The following SUPV3L1 variants were observed in gnomAD, a reference collection of about 807,000 sequenced individuals.
SUPV3L1 encodes the protein Suv3 like RNA helicase, also known as ATP-dependent RNA helicase SUPV3L1, mitochondrial.
A neutral mutation model predicts 70.0 loss-of-function variants in SUPV3L1; 35 were observed. That is an observed-to-expected ratio of 0.50 (90% CI 0.38 to 0.66). The LOEUF is 0.66. Ranked by LOEUF, SUPV3L1 falls within the 30% of genes least tolerant of loss-of-function variation. SUPV3L1 has a pLI of 0.00. For synonymous variants in SUPV3L1, 364 were observed against 341.9 expected (o/e 1.06, Z -0.71); for missense variants, 777 against 961.5 (o/e 0.81, Z 2.54).
chr10:69,194,973 A>G (rs903340169), intron 6 of SUPV3L1, among the ~76,000 whole-genome samples: 1 of 152,092 alleles, frequency 6.6e-6, no homozygotes, highest in Non-Finnish European at 1.5e-5. Context: ...TCAAATGGAG[A>G]TAGTGATAAT....
At chr10:69,207,341 C>G (rs1228272037) in intron 13 of SUPV3L1, among the ~76,000 whole-genome samples, 1 of 152,038 alleles carries the variant, frequency 6.6e-6, no homozygotes, top group East Asian at 1.9e-4. Flanking sequence ...TTTTTTCTTT[C>G]TCCAAATGGT....
chr10:69,197,687 A>G (rs1307632432), intron 8 of SUPV3L1, among the ~76,000 whole-genome samples: 3 of 152,122 alleles, frequency 2.0e-5, no homozygotes, highest in Non-Finnish European at 4.4e-5. Flanking sequence ...CTCCCACTTC[A>G]GCCTCCCAAA....
At position 69,202,971 on chromosome 10, in the gene SUPV3L1, G is replaced by A; in HGVS notation, c.1704G>A (p.Leu568=). The A allele has an allele frequency of 6.2e-7, 1 of 1,614,176 alleles. No individual in the cohort carries two copies. Among genetic ancestry groups the A allele is most frequent in the Non-Finnish European group, 8.5e-7 (1 of 1,180,026 alleles). Residue 568 remains leucine, a synonymous_variant, in exon 13 of 15, where the codon CTG becomes CTA. Transcript: ENST00000359655. ...TGATCCAGCATATTCCACTAAGTCT[G>A]CGAGTGAGGTATGTTTTCTGCACAG... The part of the protein sequence containing the change: ...AELIQHIPLS[L]RVRYVFCTAP...
Position 69,187,662 on chromosome 10 carries a change from C to A in SUPV3L1, c.478C>A (p.Pro160Thr). 6.2e-7 allele frequency: 1 copy of A among 1,610,942 alleles called. No individual in the cohort carries two copies. Among genetic ancestry groups the A allele is most frequent in the Non-Finnish European group, 8.5e-7 (1 of 1,178,824 alleles). ...TCCAGCTCATGCGGATGATTTATTCCCATTTTTCTTGAGACATGCCAAACA... is the reference window on the plus strand; with the variant it reads ...TCCAGCTCATGCGGATGATTTATTCACATTTTTCTTGAGACATGCCAAACA... ...FGAAHADDLF[P>T]FFLRHAKQIF... The change falls in exon 4 of 15, where the codon CCA (proline) becomes ACA (threonine). Residue 160 changes from proline to threonine, a missense_variant. Physicochemically the swap from Pro to Thr is conservative, Grantham distance 38. This residue lies in a region of SUPV3L1 where 619 missense variants were observed against 823.3 expected (regional missense o/e 0.75). Transcript: ENST00000359655.
chr10:69,200,313 A>G lies in SUPV3L1; in HGVS notation c.1332A>G (p.Ile444Met). 6.2e-7 allele frequency: 1 copy of G among 1,614,100 alleles called. No homozygotes were observed. The highest frequency in any genetic ancestry group is 8.5e-7 in the Non-Finnish European group (1 of 1,180,006). ...GGAGAATTATTTTTTACTCCCTTAT[A>G]AAGCCCAGTATCAATGAAAAGGGAG... The part of the protein sequence containing the change: ...SIRRIIFYSL[I>M]KPSINEKGER... The change falls in exon 11 of 15, where the codon ATA (isoleucine) becomes ATG (methionine). Residue 444 changes from isoleucine to methionine, a missense_variant. Ile to Met is a conservative substitution (Grantham distance 10, BLOSUM62 1). Around this residue, in one of 2 missense-constraint regions of SUPV3L1, gnomAD observed 619 missense variants for 823.3 expected, o/e 0.75. Coordinates refer to ENST00000359655, the MANE Select transcript of SUPV3L1 (RefSeq NM_003171.5).
chr10:69,186,343 A>T, intron 2 of SUPV3L1, 100 bp from the exon 3 acceptor site: 6 of 568,430 alleles, frequency 1.1e-5, no homozygotes, highest in Non-Finnish European at 1.7e-5. Flanking sequence ...AAAAAAAAAA[A>T]AGAAAAAAAA....
chr10:69,186,661 A>G, intron 3 of SUPV3L1, 111 bp downstream of exon 3: 2 of 831,734 alleles, frequency 2.4e-6, no homozygotes, highest in Non-Finnish European at 3.8e-6. Context: ...GGGTCTGGTA[A>G]CATCCTCTGT....
Position 69,207,939 on chromosome 10 carries a change from A to G in SUPV3L1, c.1923A>G (p.Leu641=). ...ATGTCTTGGATCTTTACTTGTGGCT[A>G]AGGTACCAACATTTTTCCTTTATGT... The part of the protein sequence containing the change: ...VHDVLDLYLW[L]SYRFMDMFPD... The change falls in exon 14 of 15, where the codon CTA becomes CTG. Residue 641 remains leucine, a splice_region_variant and synonymous_variant. Coordinates refer to ENST00000359655, the MANE Select transcript of SUPV3L1 (RefSeq NM_003171.5). 1 of 1,613,416 alleles carries G rather than the reference A, an allele frequency of 6.2e-7. No individual in the cohort carries two copies. Among genetic ancestry groups the G allele is most frequent in the Non-Finnish European group, 8.5e-7 (1 of 1,179,774 alleles).
Position 69,181,551 on chromosome 10 carries a change from T to A in SUPV3L1, c.271+989T>A, listed in dbSNP as rs191176194. ...CACTTTACTTGGTGCTGGGAGACTG[T>A]CTTTATTTTCTGCTGTTATAACATA... On this transcript the variant is annotated intron_variant, in intron 1 of 14. Coordinates refer to ENST00000359655, the MANE Select transcript of SUPV3L1 (RefSeq NM_003171.5). Among the ~76,000 whole-genome samples the A allele has an allele frequency of 1.2e-4, 19 of 152,328 alleles. No homozygotes were observed. In the East Asian group the frequency reaches 3.1e-3, roughly 25 times the overall value.
chr10:69,203,819 T>G (rs1162927586), intron 13 of SUPV3L1, among the ~76,000 whole-genome samples: 1 of 151,990 alleles, frequency 6.6e-6, no homozygotes, highest in African/African-American at 2.4e-5. Context: ...TCAACCTCCC[T>G]GGCTCAAGTG....
chr10:69,203,523 G>T (rs1293553449), intron 13 of SUPV3L1, among the ~76,000 whole-genome samples: 1 of 151,666 alleles, frequency 6.6e-6, no homozygotes, highest in Non-Finnish European at 1.5e-5. Context: ...AATTATCCGG[G>T]CATGGTGGTG....
intron 1 of SUPV3L1, among the ~76,000 whole-genome samples, chr10:69,184,488 TCGCGCCATTGCCC>T (rs1842160401): frequency 6.6e-6 from 1 of 152,144 alleles, no homozygotes; most frequent in African/African-American, 2.4e-5. Flanking sequence ...TGAGCTGAGA[TCGCGCCATTGCCC>T]TCCAGCCTGG....
rs542048255 is a variant in SUPV3L1 at position 69,187,685 on chromosome 10, A to G, written c.501A>G (p.Lys167=). ...TCCCATTTTTCTTGAGACATGCCAA[A>G]CAAATATTTCCTGTGTTGGACTGTA... ...DLFPFFLRHA[K]QIFPVLDCKD... is the part of the protein sequence containing the mutation. The change falls in exon 4 of 15, where the codon AAA becomes AAG. Residue 167 remains lysine (K), a synonymous_variant. Coordinates refer to ENST00000359655, the MANE Select transcript of SUPV3L1 (RefSeq NM_003171.5). 6.0e-5 allele frequency: 96 copies of G among 1,613,352 alleles called. No individual in the cohort carries two copies. The South Asian group carries it at 1.0e-3, about 17-fold the overall frequency.
chr10:69,186,445 C>T lies in SUPV3L1; in HGVS notation c.352C>T (p.Arg118Cys), dbSNP rs540018849. The change falls in exon 3 of 15, where the codon CGT (arginine) becomes TGT (cysteine). Residue 118 changes from arginine to cysteine, a missense_variant and splice_region_variant. Physicochemically the swap from Arg to Cys is radical, Grantham distance 180. Transcript: ENST00000359655. The stretch of plus-strand genomic sequence containing the variant: ...CTTTTCATTTTGTGTTTCTACAGCT[C>T]GTCTCTTCCACCAAGCTTTCATAAG... The part of the protein sequence containing the change: ...KLGADYGLDA[R>C]LFHQAFISFR... The T allele has an allele frequency of 3.7e-6, 6 of 1,610,746 alleles. No individual in the cohort carries two copies. The highest frequency in any genetic ancestry group is 3.3e-5 in the South Asian group (3 of 90,950).
Position 69,207,833 on chromosome 10 carries a change from C to T in SUPV3L1, c.1817C>T (p.Ala606Val). The T allele has an allele frequency of 1.2e-6, 2 of 1,614,108 alleles. No individual in the cohort carries two copies. The highest frequency in any genetic ancestry group is 1.7e-6 in the Non-Finnish European group (2 of 1,180,008). Reference protein sequence around the residue: ...QYSRNEPLTFAWLRRYIKWPL... With the variant: ...QYSRNEPLTFVWLRRYIKWPL... ...AGCAGGAATGAGCCCCTGACCTTTG[C>T]ATGGTTACGCCGATACATCAAATGG... is the stretch of plus-strand genomic sequence containing the variant. The change falls in exon 14 of 15, where the codon GCA becomes GTA. Residue 606 changes from alanine (A) to valine (V), a missense_variant. Physicochemically the swap from Ala to Val is moderately conservative, Grantham distance 64. This residue lies in a region of SUPV3L1 where 619 missense variants were observed against 823.3 expected (regional missense o/e 0.75). Coordinates refer to ENST00000359655, the MANE Select transcript of SUPV3L1 (RefSeq NM_003171.5).
chr10:69,201,790 T>A (rs1014496057), intron 11 of SUPV3L1, among the ~76,000 whole-genome samples: 2 of 151,910 alleles, frequency 1.3e-5, no homozygotes, highest in Admixed American at 6.6e-5. Context: ...CCTCCCACCT[T>A]GGCCTCCCAA....
In SUPV3L1 at chr10:69,199,181, GGCATGGGA is replaced by G; in HGVS notation, c.1283_1290del (p.Gly428AlafsTer2). 1 of 1,609,560 alleles carries G rather than the reference GGCATGGGA, an allele frequency of 6.2e-7. No homozygotes were observed. The highest frequency in any genetic ancestry group is 8.5e-7 in the Non-Finnish European group (1 of 1,178,560). On this transcript the variant is annotated frameshift_variant, in exon 10 of 15. Coordinates refer to ENST00000359655, the MANE Select transcript of SUPV3L1 (RefSeq NM_003171.5). LOFTEE classifies it high-confidence loss of function. ...AATCTTGGTTGCTACAGATGCAATT[GGCATGGGA>G]CTTAATTTGTAAGTAATTTGTTTTT... is the stretch of plus-strand genomic sequence containing the variant.
intron 1 of SUPV3L1, 122 bp downstream of exon 1, chr10:69,180,684 C>T (rs543587386): frequency 3.0e-6 from 4 of 1,323,178 alleles, no homozygotes; most frequent in East Asian, 4.7e-5. Context: ...GTCATCGTGC[C>T]TCTCAGTGTC....
At chr10:69,202,193 T>TA (rs1842701747) in intron 11 of SUPV3L1, among the ~76,000 whole-genome samples, 1 of 152,186 alleles carries the variant, frequency 6.6e-6, no homozygotes, top group Non-Finnish European at 1.5e-5. Flanking sequence ...GAAATATAAC[T>TA]AAAATGTAAG....
Sources: gnomAD v4.1 joint callset for allele counts (sites outside exome capture counted in the v4.1 genomes callset) on GRCh38, gnomAD v4.1.1 for gene constraint, gnomAD v4.1.1 regional missense constraint, MANE v1.5 for transcripts, NCBI Gene and HGNC (gene_info 2026-07-23, HGNC 2026-07-21) for gene names.